Variants in CNTN5 observed in about 807,000 individuals in gnomAD.
The protein encoded by CNTN5 is contactin 5, also known as contactin-5.
A neutral mutation model predicts 129.1 loss-of-function variants in CNTN5; 77 were observed. The ratio of observed to expected loss-of-function variants is 0.60; its 90% confidence interval spans 0.50 to 0.72. The LOEUF is 0.72. Among genes scored for constraint, CNTN5 ranks in the 30% least tolerant of loss-of-function variants. The pLI, the probability that CNTN5 is intolerant of heterozygous loss-of-function variation, is 0.00. For synonymous variants in CNTN5, 509 were observed against 465.6 expected (o/e 1.09, Z -1.20); for missense variants, 1,478 against 1,328.8 (o/e 1.11, Z -1.75).
chr11:100,015,305 G>T (rs989571307), intron 9 of CNTN5, among the ~76,000 whole-genome samples: 1 of 152,122 alleles, frequency 6.6e-6, no homozygotes, highest in Non-Finnish European at 1.5e-5. Flanking sequence ...ATCTGTGCTG[G>T]TATGCCCAAA....
chr11:99,684,962 T>C (rs1301221156), intron 3 of CNTN5, among the ~76,000 whole-genome samples: 1 of 151,106 alleles, frequency 6.6e-6, no homozygotes, highest in African/African-American at 2.4e-5. Flanking sequence ...TCTGCTCTTA[T>C]TTTTTATTTT....
At chr11:100,134,855 T>A (rs1057137505) in intron 13 of CNTN5, among the ~76,000 whole-genome samples, 8 of 152,134 alleles carry the variant, frequency 5.3e-5, no homozygotes, top group Non-Finnish European at 1.2e-4. Flanking sequence ...TTCAGTTGTA[T>A]TTTATTGTTT....
intron 2 of CNTN5, among the ~76,000 whole-genome samples, chr11:99,409,255 G>C (rs956663915): frequency 1.3e-5 from 2 of 152,164 alleles, no homozygotes; most frequent in Non-Finnish European, 2.9e-5. Context: ...ACGAGGTCAG[G>C]AGATCGAGAC....
At chr11:99,453,798 C>A (rs1206450533) in intron 2 of CNTN5, among the ~76,000 whole-genome samples, 1 of 152,136 alleles carries the variant, frequency 6.6e-6, no homozygotes, top group Non-Finnish European at 1.5e-5. Context: ...AAGGGAATGA[C>A]TGCCTTCGAT....
intron 1 of CNTN5, among the ~76,000 whole-genome samples, chr11:99,121,918 G>T (rs1457457839): frequency 1.3e-5 from 2 of 151,258 alleles, no homozygotes; most frequent in South Asian, 4.2e-4. Flanking sequence ...TTTCCTAGAT[G>T]ACCATATTTT....
intron 2 of CNTN5, among the ~76,000 whole-genome samples, chr11:99,383,639 A>T (rs1940742161): frequency 6.6e-6 from 1 of 152,136 alleles, no homozygotes; most frequent in African/African-American, 2.4e-5. Flanking sequence ...TAACTATAGA[A>T]ATTATGTTTG....
chr11:100,256,189 T>G (rs1950066804), intron 17 of CNTN5, among the ~76,000 whole-genome samples: 1 of 152,178 alleles, frequency 6.6e-6, no homozygotes, highest in Non-Finnish European at 1.5e-5. Context: ...GCAAAAATAG[T>G]ACAGAGTTCC....
intron 9 of CNTN5, among the ~76,000 whole-genome samples, chr11:100,056,196 T>C (rs1458853099): frequency 9.9e-5 from 15 of 151,752 alleles, no homozygotes; most frequent in Non-Finnish European, 2.2e-4. Context: ...TGACTATTTT[T>C]ACTCCAAGTT....
intron 13 of CNTN5, among the ~76,000 whole-genome samples, chr11:100,160,109 C>T (rs995385559): frequency 6.6e-6 from 1 of 151,866 alleles, no homozygotes; most frequent in Non-Finnish European, 1.5e-5. Flanking sequence ...ATGTGATGTT[C>T]CCCTCTCTGT....
intron 13 of CNTN5, among the ~76,000 whole-genome samples, chr11:100,120,134 T>C (rs1290414157): frequency 6.6e-6 from 1 of 151,958 alleles, no homozygotes; most frequent in Non-Finnish European, 1.5e-5. Flanking sequence ...TCCCCAGATG[T>C]GTTGTTTTTC....
rs555691619 is a variant in CNTN5 at position 99,205,676 on chromosome 11, T to A, written c.-209-119670T>A. Reference sequence around the variant, plus strand: ...ATAAAATGTTCTCACACACTCTCTTTCCCACGCAAAAGGGTAACTATGTGA... The same window carrying A: ...ATAAAATGTTCTCACACACTCTCTTACCCACGCAAAAGGGTAACTATGTGA... On this transcript the variant is annotated intron_variant, in intron 1 of 24. Coordinates refer to ENST00000524871, the MANE Select transcript of CNTN5 (RefSeq NM_014361.4). 3.2e-4 allele frequency among the ~76,000 whole-genome samples: 48 copies of A among 152,264 alleles called. No homozygotes were observed. In the South Asian group the frequency reaches 5.2e-3, roughly 16 times the overall value.
intron 6 of CNTN5, among the ~76,000 whole-genome samples, chr11:99,909,463 A>G (rs1949596672): frequency 2.0e-5 from 3 of 152,168 alleles, no homozygotes; most frequent in African/African-American, 7.2e-5. Flanking sequence ...ATTACTGGGT[A>G]TATACCCAAA....
At chr11:99,747,804 A>G (rs1944104665) in intron 3 of CNTN5, among the ~76,000 whole-genome samples, 1 of 152,156 alleles carries the variant, frequency 6.6e-6, no homozygotes, top group Non-Finnish European at 1.5e-5. Flanking sequence ...CTGATCATAG[A>G]TGAAAATAGT....
chr11:99,585,728 C>T (rs2726354), intron 3 of CNTN5, among the ~76,000 whole-genome samples: 148,036 of 152,252 alleles, frequency 0.97, 72,108 homozygotes, highest in East Asian at 1. Flanking sequence ...TAAATGGGAT[C>T]GTAGACACTG....
rs935587874 is a variant in CNTN5, at chr11:100,149,945, T to G, written c.1581-41181T>G. Among the ~76,000 whole-genome samples, 7 of 151,070 alleles carry G rather than the reference T, an allele frequency of 4.6e-5. No individual in the cohort carries two copies. The East Asian group carries it at 1.2e-3, about 25-fold the overall frequency. Reference sequence around the variant, plus strand: ...AAAAAAAAATCTCATGGGGTAGAGCTCTTCTCAAAATTTATGTAGTGCACA... The same window carrying G: ...AAAAAAAAATCTCATGGGGTAGAGCGCTTCTCAAAATTTATGTAGTGCACA... On this transcript the variant is annotated intron_variant, in intron 13 of 24. Transcript: ENST00000524871.
intron 1 of CNTN5, among the ~76,000 whole-genome samples, chr11:99,064,450 T>C (rs1407573601): frequency 6.6e-6 from 1 of 152,120 alleles, no homozygotes; most frequent in Non-Finnish European, 1.5e-5. Context: ...ATTTTCATTA[T>C]GAAGAAGAGC....
intron 1 of CNTN5, among the ~76,000 whole-genome samples, chr11:99,274,659 C>A (rs984504479): frequency 1.3e-5 from 2 of 151,236 alleles, no homozygotes; most frequent in African/African-American, 4.9e-5. Flanking sequence ...TATATGAATA[C>A]CTCTACTATA....
At chr11:99,794,595 G>C (rs889740559) in intron 3 of CNTN5, among the ~76,000 whole-genome samples, 1 of 152,088 alleles carries the variant, frequency 6.6e-6, no homozygotes, top group Admixed American at 6.5e-5. Flanking sequence ...ACTCCTTCAG[G>C]ATGTTTTGTA....
chr11:99,792,569 GTGTGTGTCTGTC>G (rs1394173269), intron 3 of CNTN5, among the ~76,000 whole-genome samples: 1 of 77,714 alleles, frequency 1.3e-5, no homozygotes, highest in African/African-American at 4.7e-5. Context: ...GTGTGTGTGT[GTGTGTGTCTGTC>G]TGTCTGTCTG....
Sources: gnomAD v4.1 joint callset for allele counts (sites outside exome capture counted in the v4.1 genomes callset) on GRCh38, gnomAD v4.1.1 for gene constraint, MANE v1.5 for transcripts, NCBI Gene and HGNC (gene_info 2026-07-23, HGNC 2026-07-21) for gene names.